SLC35D4: variants seen among roughly 807,000 people sequenced by gnomAD.
SLC35D4 encodes UDP-N-acetylglucosamine transporter SLC35D4.
At chr18:23,287,037 T>C in the SLC35D4 span, among the ~76,000 whole-genome samples, 11 of 150,746 alleles carry the variant, frequency 7.3e-5, no homozygotes, top group African/African-American at 4.9e-5. Context: ...CCCCGCTCAA[T>C]ACCAATATCC....
chr18:23,401,195 G>C, the SLC35D4 span, among the ~76,000 whole-genome samples: 1 of 152,184 alleles, frequency 6.6e-6, no homozygotes, highest in Admixed American at 6.5e-5. Context: ...AAAGAGTTTA[G>C]ATAATTTGCC....
At chr18:23,331,883 CTTTT>C in the SLC35D4 span, among the ~76,000 whole-genome samples, 1 of 103,008 alleles carries the variant, frequency 9.7e-6, no homozygotes. Context: ...TTGAACATGT[CTTTT>C]TTTTTTTTTT....
the SLC35D4 span, among the ~76,000 whole-genome samples, chr18:23,410,395 A>G: frequency 3.1e-4 from 46 of 150,024 alleles, no homozygotes; most frequent in South Asian, 8.5e-4. Context: ...GGAGAATGGC[A>G]TGAACCCGGG....
the SLC35D4 span, among the ~76,000 whole-genome samples, chr18:23,362,284 T>C: frequency 6.6e-6 from 1 of 152,152 alleles, no homozygotes; most frequent in Non-Finnish European, 1.5e-5. Flanking sequence ...AAGCATTCAC[T>C]GGAGTGGGAT....
chr18:23,298,358 T>TA, the SLC35D4 span, among the ~76,000 whole-genome samples: 16 of 152,204 alleles, frequency 1.1e-4, no homozygotes, highest in African/African-American at 3.6e-4. Context: ...TGCACTGGGT[T>TA]AGTGCTCTCT....
chr18:23,407,289 C>T, the SLC35D4 span, among the ~76,000 whole-genome samples: 1 of 152,130 alleles, frequency 6.6e-6, no homozygotes, highest in Non-Finnish European at 1.5e-5. Flanking sequence ...ACAATAACAA[C>T]CTCAATAAAT....
the SLC35D4 span, among the ~76,000 whole-genome samples, chr18:23,301,394 T>C: frequency 2.0e-5 from 3 of 152,188 alleles, no homozygotes; most frequent in East Asian, 5.8e-4. Flanking sequence ...GACGTTTTCT[T>C]TGCCCCTAAA....
At chr18:23,278,273 A>C in the SLC35D4 span, among the ~76,000 whole-genome samples, 1 of 152,174 alleles carries the variant, frequency 6.6e-6, no homozygotes, top group Non-Finnish European at 1.5e-5. Context: ...GGCGCCTGGA[A>C]GGGAATTGGA....
At chr18:23,271,134 G>A in the SLC35D4 span, among the ~76,000 whole-genome samples, 3 of 152,198 alleles carry the variant, frequency 2.0e-5, no homozygotes, top group Non-Finnish European at 2.9e-5. Context: ...CTGTTCTCAT[G>A]ATAGTGAATA....
the SLC35D4 span, among the ~76,000 whole-genome samples, chr18:23,252,385 TACC>T: frequency 3.5e-4 from 53 of 152,328 alleles, 1 homozygote; most frequent in Non-Finnish European, 1.5e-5. Flanking sequence ...ATGTGTATTT[TACC>T]ACCATTTAAA....
At chr18:23,337,002 A>AGT in the SLC35D4 span, among the ~76,000 whole-genome samples, 24,540 of 147,868 alleles carry the variant, frequency 0.17, 2,280 homozygotes, top group African/African-American at 0.25. Flanking sequence ...TTTCCCCTGT[A>AGT]GTGTGTGTGT....
At chr18:23,384,257 C>T in the SLC35D4 span, among the ~76,000 whole-genome samples, 11 of 152,026 alleles carry the variant, frequency 7.2e-5, no homozygotes, top group Non-Finnish European at 1.3e-4. Flanking sequence ...TGCCATTGTA[C>T]TCCAGCCTGG....
At chr18:23,290,362 T>A in the SLC35D4 span, among the ~76,000 whole-genome samples, 2 of 152,178 alleles carry the variant, frequency 1.3e-5, no homozygotes, top group African/African-American at 4.8e-5. Flanking sequence ...AAGGGGGTGG[T>A]GTCTGCCTGT....
At chr18:23,308,945 G>A in the SLC35D4 span, among the ~76,000 whole-genome samples, 9 of 147,632 alleles carry the variant, frequency 6.1e-5, no homozygotes, top group South Asian at 8.8e-4. Flanking sequence ...GTTCCAGGAC[G>A]TCCATGGGTT....
At chr18:23,343,298 G>T in the SLC35D4 span, among the ~76,000 whole-genome samples, 2 of 150,634 alleles carry the variant, frequency 1.3e-5, no homozygotes, top group South Asian at 2.1e-4. Context: ...CACTCTTGTC[G>T]CCCAGGCTAG....
chr18:23,365,650 A>G, the SLC35D4 span: 1 of 1,613,604 alleles, frequency 6.2e-7, no homozygotes, highest in African/African-American at 1.3e-5. Context: ...GATGAGATGC[A>G]AATGCCAGGA....
At chr18:23,324,704 T>C in the SLC35D4 span, among the ~76,000 whole-genome samples, 1 of 152,162 alleles carries the variant, frequency 6.6e-6, no homozygotes, top group Non-Finnish European at 1.5e-5. Flanking sequence ...AGTCCTGTGC[T>C]AAGCCTAAAG....
the SLC35D4 span, among the ~76,000 whole-genome samples, chr18:23,268,323 C>A: frequency 6.6e-6 from 1 of 152,086 alleles, no homozygotes; most frequent in Admixed American, 6.5e-5. Flanking sequence ...TTCCAGAGAC[C>A]AGTACTATTC....
the SLC35D4 span, chr18:23,252,917 C>G: frequency 7.6e-7 from 1 of 1,324,098 alleles, no homozygotes; most frequent in East Asian, 2.3e-5. Flanking sequence ...TTACATACGA[C>G]CCTTGTTTTA....
Sources: gnomAD v4.1 joint callset for allele counts (sites outside exome capture counted in the v4.1 genomes callset) on GRCh38, gnomAD v4.1.1 for gene constraint, MANE v1.5 for transcripts, NCBI Gene and HGNC (gene_info 2026-07-23, HGNC 2026-07-21) for gene names.